Variants in BBX observed in about 807,000 individuals in gnomAD.
The protein encoded by BBX is BBX high mobility group box domain containing, also known as HMG box transcription factor BBX.
BBX carries 30 observed loss-of-function variants against 100.2 expected under a neutral mutation model. The ratio of observed to expected loss-of-function variants is 0.30; its 90% CI spans 0.22 to 0.41. BBX has a LOEUF of 0.41. BBX is among the 10% of genes least tolerant of loss of function. The probability of loss-of-function intolerance (pLI) is 1.00; values close to 1 mark genes in which losing one functional copy is unlikely to be tolerated. For synonymous variants in BBX, 376 were observed against 388.1 expected, an observed-to-expected ratio of 0.97 and a Z score of 0.37; for missense variants, 1,023 against 1,129.8, an observed-to-expected ratio of 0.91 and a Z score of 1.35.
In BBX at chr3:107,806,811, G is replaced by C. The variant is rs796076496; in HGVS notation, c.*1354G>C. 2.6e-5 allele frequency: 4 copies of C among 152,218 alleles called. No individual in the cohort carries two copies. The East Asian group carries it at 7.7e-4, about 29-fold the overall frequency. 9.4% of individuals were successfully genotyped at this position (152,218 alleles called of 1,614,324 possible). ...TAGTCTGAGGCTACAGATTTTACAG[G>C]GTATTTGTTCTATAGCACAAAGTAT... On this transcript the variant is annotated 3_prime_UTR_variant, in exon 18 of 18. Transcript: ENST00000325805.
At chr3:107,772,257 G>T (rs1033941569) in intron 10 of BBX, among the ~76,000 whole-genome samples, 3 of 152,196 alleles carry the variant, frequency 2.0e-5, no homozygotes, top group African/African-American at 7.2e-5. Context: ...ACAGAGGAGT[G>T]AGGGGGTAAG....
At chr3:107,577,860 G>A (rs1164585443) in intron 2 of BBX, among the ~76,000 whole-genome samples, 1 of 152,090 alleles carries the variant, frequency 6.6e-6, no homozygotes, top group Non-Finnish European at 1.5e-5. Flanking sequence ...AAGATGACGA[G>A]CCTGGCCAAG....
At chr3:107,590,020 A>G (rs1306041920) in intron 2 of BBX, among the ~76,000 whole-genome samples, 5 of 152,152 alleles carry the variant, frequency 3.3e-5, no homozygotes, top group South Asian at 2.1e-4. Flanking sequence ...TACCCCAAGA[A>G]TATGTGACAT....
chr3:107,586,508 T>C (rs1050554910), intron 2 of BBX, among the ~76,000 whole-genome samples: 10 of 152,204 alleles, frequency 6.6e-5, no homozygotes, highest in Non-Finnish European at 1.3e-4. Flanking sequence ...AATGTCTTCT[T>C]GGTTGCCTAA....
At chr3:107,621,405 A>G (rs936665381) in intron 2 of BBX, among the ~76,000 whole-genome samples, 1 of 152,164 alleles carries the variant, frequency 6.6e-6, no homozygotes, top group Non-Finnish European at 1.5e-5. Context: ...TTTATATATA[A>G]TGTCCAGTAT....
intron 3 of BBX, chr3:107,684,597 C>T (rs927169009): frequency 6.6e-5 from 10 of 152,158 alleles, no homozygotes; most frequent in African/African-American, 2.2e-4. Flanking sequence ...AAGGCAGCCA[C>T]TTCTAGCCTG....
At chr3:107,625,232 G>A (rs973091858) in intron 2 of BBX, among the ~76,000 whole-genome samples, 5 of 151,898 alleles carry the variant, frequency 3.3e-5, no homozygotes, top group African/African-American at 1.2e-4. Context: ...TTTTATTCCA[G>A]TTTTGCTTCT....
chr3:107,659,961 T>C (rs1470982306), intron 3 of BBX, among the ~76,000 whole-genome samples: 2 of 152,158 alleles, frequency 1.3e-5, no homozygotes, highest in East Asian at 3.8e-4. Context: ...CTGGCATCCT[T>C]GATTAATGTT....
chr3:107,577,332 A>G (rs749840034), intron 2 of BBX, among the ~76,000 whole-genome samples: 10 of 152,066 alleles, frequency 6.6e-5, no homozygotes, highest in Non-Finnish European at 1.2e-4. Flanking sequence ...AATATGATTC[A>G]CCCAGCTAAG....
intron 10 of BBX, among the ~76,000 whole-genome samples, chr3:107,767,754 A>G (rs1255202385): frequency 6.6e-6 from 1 of 152,202 alleles, no homozygotes; most frequent in Non-Finnish European, 1.5e-5. Context: ...CAAATGTGCC[A>G]TCCCAGAGTC....
intron 3 of BBX, among the ~76,000 whole-genome samples, chr3:107,702,631 G>A (rs2061149259): frequency 6.6e-6 from 1 of 152,150 alleles, no homozygotes; most frequent in East Asian, 1.9e-4. Context: ...ACCCTCAAGG[G>A]TCTCTGTGGG....
intron 3 of BBX, among the ~76,000 whole-genome samples, chr3:107,663,883 G>T (rs771997661): frequency 2.7e-5 from 4 of 149,740 alleles, no homozygotes; most frequent in Non-Finnish European, 5.9e-5. Context: ...TCGGCTCACT[G>T]CAAGCTCTGC....
intron 17 of BBX, among the ~76,000 whole-genome samples, chr3:107,804,206 A>G (rs1297703256): frequency 6.6e-6 from 1 of 152,090 alleles, no homozygotes; most frequent in African/African-American, 2.4e-5. Context: ...AAATGTTGCA[A>G]TTTGTCTACA....
Position 107,653,186 on chromosome 3 carries a change from C to T in BBX, c.-10+7277C>T, listed in dbSNP as rs181113270. Among the ~76,000 whole-genome samples the T allele has an allele frequency of 5.3e-5, 8 of 152,228 alleles. No homozygotes were observed. The East Asian group carries it at 1.5e-3, about 29-fold the overall frequency. On this transcript the variant is annotated intron_variant, in intron 3 of 17. Transcript: ENST00000325805. ...TCAAGTTTGCCATTAGTTTTATAAT[C>T]AATAAATATTAGTGGGCTGAGAGCT...
chr3:107,754,474 T>C (rs2065320091), intron 9 of BBX, among the ~76,000 whole-genome samples: 1 of 151,898 alleles, frequency 6.6e-6, no homozygotes, highest in Non-Finnish European at 1.5e-5. Flanking sequence ...GAGGAAAGAG[T>C]CCTCATAACT....
At chr3:107,546,300 A>C (rs1003422382) in intron 2 of BBX, among the ~76,000 whole-genome samples, 3 of 152,096 alleles carry the variant, frequency 2.0e-5, no homozygotes, top group Non-Finnish European at 4.4e-5. Context: ...AATTATTTGC[A>C]ATTTTGTTTT....
chr3:107,782,099 A>G (rs2067953672), intron 13 of BBX, among the ~76,000 whole-genome samples: 1 of 152,134 alleles, frequency 6.6e-6, no homozygotes, highest in Non-Finnish European at 1.5e-5. Context: ...TTTCTACAGG[A>G]ATATGGTGGC....
At position 107,744,630 on chromosome 3, in the gene BBX, G is replaced by A. The variant is rs766817767; in HGVS notation, c.670G>A (p.Val224Ile). The A allele has an allele frequency of 1.9e-6, 3 of 1,611,110 alleles. No individual in the cohort carries two copies. The highest frequency in any genetic ancestry group is 2.7e-5 in the African/African-American group (2 of 74,824). ...AATATGATATCTTTCTTTGTTTCAG[G>A]TATCCTCTGGCACATGCAGGCCTGA... is the stretch of plus-strand genomic sequence containing the variant. The part of the protein sequence containing the change: ...AGEHALGTPE[V>I]SSGTCRPDVS... Residue 224 changes from valine (V) to isoleucine (I), a missense_variant and splice_region_variant, in exon 8 of 18, where the codon GTA (valine) becomes ATA (isoleucine). Coordinates refer to ENST00000325805, the MANE Select transcript of BBX (RefSeq NM_001142568.3).
intron 7 of BBX, 32 bp downstream of exon 7, chr3:107,733,055 T>G: frequency 6.3e-7 from 1 of 1,594,402 alleles, no homozygotes. Flanking sequence ...TCCACTCTGC[T>G]CATACTGTGG....
Sources: allele counts gnomAD v4.1 joint callset (sites outside exome capture counted in the v4.1 genomes callset), GRCh38; gene constraint gnomAD v4.1.1; transcripts MANE v1.5; gene names NCBI Gene and HGNC (gene_info 2026-07-23, HGNC 2026-07-21).